FMN2: variants seen among roughly 807,000 people sequenced by gnomAD.
FMN2 encodes the protein formin 2, also known as formin-2.
FMN2 carries 51 observed loss-of-function variants against 142.3 expected under a neutral mutation model. That is an observed-to-expected ratio of 0.36 (90% confidence interval 0.29 to 0.45). FMN2 has a LOEUF of 0.45. Ranked by LOEUF, FMN2 falls within the 20% of genes least tolerant of loss-of-function variation. FMN2 has a pLI of 1.00. For missense variants in FMN2, 1,936 were observed against 2,122.8 expected, an observed-to-expected ratio of 0.91 and a Z score of 1.73; for synonymous variants, 882 against 869.8, an observed-to-expected ratio of 1.01 and a Z score of -0.25.
intron 15 of FMN2, among the ~76,000 whole-genome samples, chr1:240,431,580 G>A (rs543124468): frequency 4.6e-5 from 7 of 151,378 alleles, no homozygotes; most frequent in Admixed American, 2.6e-4. Flanking sequence ...AAATACCATT[G>A]CGTATGTTAA....
intron 6 of FMN2, among the ~76,000 whole-genome samples, chr1:240,240,561 C>A (rs1022050214): frequency 5.9e-5 from 9 of 152,110 alleles, no homozygotes; most frequent in African/African-American, 1.9e-4. Context: ...ATGCTGATGC[C>A]TGTATTTTGT....
chr1:240,458,882 A>G (rs1004219976), intron 16 of FMN2: 3 of 152,178 alleles, frequency 2.0e-5, no homozygotes, highest in Non-Finnish European at 2.9e-5. Flanking sequence ...TAGAATGTAC[A>G]GAAAGAATAT....
chr1:240,312,712 CA>C, intron 8 of FMN2, among the ~76,000 whole-genome samples: 1 of 152,272 alleles, frequency 6.6e-6, no homozygotes, highest in Middle Eastern at 3.4e-3. Flanking sequence ...AGATGTTCCA[CA>C]AAGTACATTT....
chr1:240,412,300 A>G (rs1674424609), intron 15 of FMN2, among the ~76,000 whole-genome samples: 1 of 152,316 alleles, frequency 6.6e-6, no homozygotes, highest in African/African-American at 2.4e-5. Context: ...TTGAATTTTG[A>G]CGCACTTTGA....
intron 15 of FMN2, among the ~76,000 whole-genome samples, chr1:240,424,150 A>T (rs1044916997): frequency 6.6e-6 from 1 of 152,224 alleles, no homozygotes; most frequent in Non-Finnish European, 1.5e-5. Context: ...GTATACATAC[A>T]TAGGTGTACA....
chr1:240,465,208 C>A (rs1676571843), intron 16 of FMN2, among the ~76,000 whole-genome samples: 1 of 152,116 alleles, frequency 6.6e-6, no homozygotes, highest in Non-Finnish European at 1.5e-5. Flanking sequence ...ATCTAATACT[C>A]ACTTCTGTCT....
chr1:240,209,417 A>AT (rs904301781), intron 5 of FMN2, among the ~76,000 whole-genome samples: 89 of 148,884 alleles, frequency 6.0e-4, no homozygotes, highest in African/African-American at 1.8e-3. Context: ...CGCCCGGTTA[A>AT]TTTTTTTTTG....
At chr1:240,275,291 C>T (rs555914547) in intron 7 of FMN2, among the ~76,000 whole-genome samples, 46 of 151,852 alleles carry the variant, frequency 3.0e-4, no homozygotes, top group African/African-American at 1.1e-3. Context: ...TCTCTGTGTC[C>T]ATGTGTTCTC....
chr1:240,101,160 C>T (rs1274098821), intron 1 of FMN2, among the ~76,000 whole-genome samples: 1 of 152,198 alleles, frequency 6.6e-6, no homozygotes, highest in African/African-American at 2.4e-5. Flanking sequence ...TCATTTCTTG[C>T]CTCTTGTTAA....
intron 6 of FMN2, among the ~76,000 whole-genome samples, chr1:240,235,227 TATCC>T (rs1667662883): frequency 6.6e-6 from 1 of 152,192 alleles, no homozygotes; most frequent in Non-Finnish European, 1.5e-5. Context: ...CTGTCCAGGG[TATCC>T]TCATATACAA....
At chr1:240,427,666 A>G (rs1425918417) in intron 15 of FMN2, among the ~76,000 whole-genome samples, 2 of 152,230 alleles carry the variant, frequency 1.3e-5, no homozygotes, top group South Asian at 2.1e-4. Context: ...CATTTGTTCT[A>G]TAGAGTTTCT....
chr1:240,297,594 CAAAAAAAAAAA>C (rs57504077), intron 8 of FMN2, among the ~76,000 whole-genome samples: 17 of 88,784 alleles, frequency 1.9e-4, no homozygotes, highest in Non-Finnish European at 2.5e-4. Context: ...GACTCCATCT[CAAAAAAAAAAA>C]AAAAAAAAAA....
At chr1:240,137,896 C>A (rs2103246623) in intron 2 of FMN2, among the ~76,000 whole-genome samples, 1 of 151,998 alleles carries the variant, frequency 6.6e-6, no homozygotes, top group East Asian at 1.9e-4. Context: ...TTGAGACCAG[C>A]CTGGCCAACA....
At chr1:240,466,237 G>T (rs1676616871) in intron 16 of FMN2, among the ~76,000 whole-genome samples, 2 of 152,056 alleles carry the variant, frequency 1.3e-5, no homozygotes, top group African/African-American at 4.8e-5. Flanking sequence ...CTTAAAAATA[G>T]TCTAATTTTC....
At chr1:240,429,398 TCTC>T (rs1267715058) in intron 15 of FMN2, among the ~76,000 whole-genome samples, 1 of 152,196 alleles carries the variant, frequency 6.6e-6, no homozygotes, top group African/African-American at 2.4e-5. Context: ...CGTCTTTTCA[TCTC>T]CTTATTGTTC....
intron 13 of FMN2, among the ~76,000 whole-genome samples, chr1:240,352,173 G>A (rs1402691267): frequency 1.3e-5 from 2 of 152,262 alleles, no homozygotes; most frequent in East Asian, 3.9e-4. Flanking sequence ...CTTGAAGACT[G>A]TAATGTAGTA....
At chr1:240,239,262 G>A (rs986859640) in intron 6 of FMN2, among the ~76,000 whole-genome samples, 7 of 152,124 alleles carry the variant, frequency 4.6e-5, no homozygotes, top group Non-Finnish European at 7.4e-5. Context: ...GGCTATTGTT[G>A]GACGAGGATG....
At chr1:240,445,200 A>G (rs1468984242) in intron 16 of FMN2, among the ~76,000 whole-genome samples, 1 of 152,236 alleles carries the variant, frequency 6.6e-6, no homozygotes, top group Non-Finnish European at 1.5e-5. Context: ...GACAGTAAGT[A>G]ATGCATTCAA....
intron 7 of FMN2, among the ~76,000 whole-genome samples, chr1:240,272,924 A>T (rs975312604): frequency 1.3e-5 from 2 of 152,166 alleles, no homozygotes; most frequent in African/African-American, 4.8e-5. Flanking sequence ...TATGCACGTG[A>T]TTAAGAAAAT....
Sources: gnomAD v4.1 joint callset for allele counts (sites outside exome capture counted in the v4.1 genomes callset) on GRCh38, gnomAD v4.1.1 for gene constraint, MANE v1.5 for transcripts, NCBI Gene and HGNC (gene_info 2026-07-23, HGNC 2026-07-21) for gene names.